ACOXL: variants seen among roughly 807,000 people sequenced by gnomAD.
ACOXL encodes acyl-coenzyme A oxidase-like protein.
In ACOXL, 70 loss-of-function variants were observed where a neutral mutation model predicts 71.9. That is an observed-to-expected ratio of 0.97 (90% CI 0.80 to 1.19). The LOEUF (loss-of-function observed/expected upper bound fraction) is 1.19. Among genes scored for constraint, ACOXL ranks in the 50% most tolerant of loss-of-function variants. The pLI is 0.00. For synonymous variants in ACOXL, 253 were observed against 281.6 expected (o/e 0.90, Z 1.02); for missense variants, 703 against 736.3 (o/e 0.95, Z 0.52).
At chr2:110,939,742 A>G (rs1365800798) in intron 12 of ACOXL, among the ~76,000 whole-genome samples, 1 of 152,210 alleles carries the variant, frequency 6.6e-6, no homozygotes, top group Non-Finnish European at 1.5e-5. Context: ...ATGTGGCCCA[A>G]CACAAATTCA....
At chr2:111,045,657 T>C (rs1256758676) in intron 15 of ACOXL, among the ~76,000 whole-genome samples, 35 of 152,240 alleles carry the variant, frequency 2.3e-4, no homozygotes, top group Non-Finnish European at 7.4e-5. Context: ...CTCTTCTCTT[T>C]TGGGATTTGG....
chr2:110,774,994 A>G (rs1336233153), intron 2 of ACOXL, among the ~76,000 whole-genome samples: 1 of 152,268 alleles, frequency 6.6e-6, no homozygotes, highest in Non-Finnish European at 1.5e-5. Flanking sequence ...AATGGAATAA[A>G]GAGCCCCTAG....
At chr2:110,963,565 ATGTGTGTGTGTGTG>A (rs57092184) in intron 12 of ACOXL, 344 of 1,454,106 alleles carry the variant, frequency 2.4e-4, no homozygotes, top group Middle Eastern at 3.6e-4. Context: ...CAAATTTGAA[ATGTGTGTGTGTGTG>A]TGTGTGTGTG....
intron 1 of ACOXL, among the ~76,000 whole-genome samples, chr2:110,747,610 C>T (rs1253296481): frequency 6.6e-6 from 1 of 152,178 alleles, no homozygotes; most frequent in African/African-American, 2.4e-5. Flanking sequence ...GAGGTTGGGA[C>T]CCTGTGATGA....
intron 12 of ACOXL, chr2:110,968,196 C>T: frequency 9.1e-7 from 1 of 1,104,558 alleles, no homozygotes; most frequent in Admixed American, 1.7e-5. Context: ...TCTATGAAGG[C>T]CAAGTGTAGG....
intron 10 of ACOXL, among the ~76,000 whole-genome samples, chr2:110,878,211 G>A (rs1696170181): frequency 6.6e-6 from 1 of 152,106 alleles, no homozygotes; most frequent in South Asian, 2.1e-4. Flanking sequence ...AGGAATAAGA[G>A]GCTTTCAGAA....
At chr2:110,992,072 T>C (rs988599566) in intron 13 of ACOXL, among the ~76,000 whole-genome samples, 7 of 152,214 alleles carry the variant, frequency 4.6e-5, no homozygotes, top group African/African-American at 1.7e-4. Context: ...TCCATCATTT[T>C]GGAAGCACGA....
chr2:110,736,799 T>G (rs1015352627), intron 1 of ACOXL, among the ~76,000 whole-genome samples: 4 of 152,126 alleles, frequency 2.6e-5, no homozygotes, highest in African/African-American at 9.7e-5. Context: ...TTTTGTATTT[T>G]TTAGTAGAGA....
intron 9 of ACOXL, among the ~76,000 whole-genome samples, chr2:110,810,660 A>G (rs1041151660): frequency 6.6e-6 from 1 of 152,110 alleles, no homozygotes; most frequent in African/African-American, 2.4e-5. Flanking sequence ...TCCATCCATC[A>G]TCATTTATCC....
rs60848223 is a variant in ACOXL at position 110,957,798 on chromosome 2, G to T, written c.1059+24156G>T. ...GGGACCAGGGGTGCTGGCTTATGCC[G>T]GTAATCCTAGCACTTTGGGAGGCCG... On this transcript the variant is annotated intron_variant, in intron 12 of 17. Transcript: ENST00000439055. Among the ~76,000 whole-genome samples the T allele has an allele frequency of 3.8e-4, 58 of 152,142 alleles. 1 individual carries two copies. In the East Asian group the frequency reaches 0.01, roughly 27 times the overall value.
intron 13 of ACOXL, among the ~76,000 whole-genome samples, chr2:110,993,176 A>C (rs1452050902): frequency 6.6e-6 from 1 of 152,264 alleles, no homozygotes; most frequent in Admixed American, 6.5e-5. Context: ...CGTACAATAA[A>C]ATGCACAAAT....
At chr2:111,114,018 A>G (rs2070166221) in intron 17 of ACOXL, 1 of 152,642 alleles carries the variant, frequency 6.6e-6, no homozygotes, top group Non-Finnish European at 1.5e-5. Flanking sequence ...ATAGCAAGTA[A>G]GTTTATTTGT....
intron 12 of ACOXL, among the ~76,000 whole-genome samples, chr2:110,949,726 C>T (rs2061253293): frequency 6.6e-6 from 1 of 152,144 alleles, no homozygotes; most frequent in South Asian, 2.1e-4. Context: ...TGTATAGATG[C>T]TGCCACCTTT....
At chr2:110,800,572 A>G (rs1156247663) in intron 7 of ACOXL, among the ~76,000 whole-genome samples, 3 of 151,830 alleles carry the variant, frequency 2.0e-5, no homozygotes, top group Non-Finnish European at 4.4e-5. Context: ...AGATCAGGAC[A>G]TGCCTGTATG....
chr2:111,053,100 A>T (rs1365461814), intron 16 of ACOXL, among the ~76,000 whole-genome samples: 1 of 152,174 alleles, frequency 6.6e-6, no homozygotes. Context: ...CTCTTCCAGT[A>T]AAAGAGGAGG....
intron 2 of ACOXL, among the ~76,000 whole-genome samples, chr2:110,775,117 A>G (rs1682476409): frequency 6.6e-6 from 1 of 152,244 alleles, no homozygotes; most frequent in Admixed American, 6.5e-5. Context: ...GATATCTACA[A>G]GCCAAGTATG....
intron 15 of ACOXL, among the ~76,000 whole-genome samples, chr2:111,048,713 T>G (rs1487903566): frequency 6.6e-6 from 1 of 152,064 alleles, no homozygotes; most frequent in Non-Finnish European, 1.5e-5. Context: ...TTGAGAAGGT[T>G]GGTTGGAGAA....
chr2:110,908,157 T>C (rs566475487), intron 10 of ACOXL, among the ~76,000 whole-genome samples: 2 of 152,330 alleles, frequency 1.3e-5, no homozygotes, highest in East Asian at 3.9e-4. Context: ...GCATTGCCTG[T>C]GGGGACAATC....
intron 12 of ACOXL, chr2:110,968,449 G>C: frequency 8.3e-7 from 1 of 1,205,450 alleles, no homozygotes; most frequent in Non-Finnish European, 1.2e-6. Flanking sequence ...GAATGTTGCA[G>C]ATTACCTGTG....
Sources: allele counts gnomAD v4.1 joint callset (sites outside exome capture counted in the v4.1 genomes callset), GRCh38; gene constraint gnomAD v4.1.1; transcripts MANE v1.5; gene names NCBI Gene and HGNC (gene_info 2026-07-23, HGNC 2026-07-21).